The following COBL variants were observed in gnomAD, a reference collection of about 807,000 sequenced individuals.
COBL encodes cordon-bleu WH2 repeat protein.
Under a neutral mutation model 98.8 loss-of-function variants are expected in COBL, and 51 were observed. The ratio of observed to expected loss-of-function variants is 0.52; its 90% CI spans 0.41 to 0.65. COBL has a LOEUF of 0.65. COBL is among the 30% of genes least tolerant of loss of function. The probability of loss-of-function intolerance (pLI) is 0.00; values close to 1 mark genes in which losing one functional copy is unlikely to be tolerated. For missense variants in COBL, 1,617 were observed against 1,617.5 expected (o/e 1.00, Z 0.01); for synonymous variants, 634 against 651.7 (o/e 0.97, Z 0.41).
At chr7:51,127,489 C>G (rs1013147299) in intron 6 of COBL, among the ~76,000 whole-genome samples, 1 of 152,168 alleles carries the variant, frequency 6.6e-6, no homozygotes, top group Non-Finnish European at 1.5e-5. Flanking sequence ...GGTTCCTGTA[C>G]AGAAGTCACT....
At chr7:51,187,056 C>T (rs1039352774) in intron 4 of COBL, among the ~76,000 whole-genome samples, 19 of 152,090 alleles carry the variant, frequency 1.2e-4, no homozygotes, top group Admixed American at 1.0e-3. Context: ...GGAACTCACA[C>T]AGTCTGCAAG....
rs79798320 is a variant in COBL at position 51,193,858 on chromosome 7, T to G, written c.246-269A>C. Among the ~76,000 whole-genome samples, 1,414 of 152,318 alleles carry G rather than the reference T, an allele frequency of 9.3e-3. 19 individuals are homozygous for G. The highest frequency in any genetic ancestry group is 0.032 in the African/African-American group (1,334 of 41,562). On this transcript the variant is annotated intron_variant, in intron 2 of 12. Coordinates refer to ENST00000265136, the MANE Select transcript of COBL (RefSeq NM_015198.5). ...TTATATTTTTAGTTAAATCCAAGGG[T>G]ATGTTGAGTTGGATCATCTAAGGTC...
At chr7:51,071,811 C>T (rs2128923986) in intron 7 of COBL, 1 of 152,108 alleles carries the variant, frequency 6.6e-6, no homozygotes, top group African/African-American at 2.4e-5. Flanking sequence ...ATGCTTTCCC[C>T]AACATTCAGG....
intron 6 of COBL, among the ~76,000 whole-genome samples, chr7:51,090,974 C>A (rs779481130): frequency 6.6e-6 from 1 of 152,190 alleles, no homozygotes; most frequent in African/African-American, 2.4e-5. Flanking sequence ...AATACACCAA[C>A]AAGCCCAGGG....
At chr7:51,018,905 A>AAAATAT (rs1554345519) in intron 12 of COBL, among the ~76,000 whole-genome samples, 3 of 34,436 alleles carry the variant, frequency 8.7e-5, no homozygotes, top group African/African-American at 3.8e-4. Flanking sequence ...AAAAAAAAAA[A>AAAATAT]ATATATATAT....
At chr7:51,298,728 C>G (rs1801641763) in intron 1 of COBL, among the ~76,000 whole-genome samples, 1 of 152,142 alleles carries the variant, frequency 6.6e-6, no homozygotes, top group Non-Finnish European at 1.5e-5. Flanking sequence ...CACTGTTGAC[C>G]CTGTCACTTC....
intron 1 of COBL, among the ~76,000 whole-genome samples, chr7:51,261,681 G>A (rs1797731162): frequency 6.6e-6 from 1 of 152,138 alleles, no homozygotes; most frequent in African/African-American, 2.4e-5. Flanking sequence ...AAGGCAGCCC[G>A]AGGGGCCAGG....
At chr7:51,244,596 C>G (rs1796120691) in intron 1 of COBL, among the ~76,000 whole-genome samples, 1 of 152,144 alleles carries the variant, frequency 6.6e-6, no homozygotes, top group South Asian at 2.1e-4. Flanking sequence ...CTCCTACGGC[C>G]ACTCTCTCTC....
chr7:51,303,283 G>A (rs573029231), intron 1 of COBL, among the ~76,000 whole-genome samples: 8 of 152,234 alleles, frequency 5.3e-5, no homozygotes, highest in East Asian at 1.9e-4. Context: ...ATCCCGGGCC[G>A]GGCGTGGTGG....
At chr7:51,287,732 C>G (rs913418727) in intron 1 of COBL, among the ~76,000 whole-genome samples, 3 of 151,972 alleles carry the variant, frequency 2.0e-5, no homozygotes, top group Non-Finnish European at 4.4e-5. Flanking sequence ...GGAGAAAACC[C>G]AGATGTCCTG....
At chr7:51,148,210 G>A (rs1470248403) in intron 5 of COBL, among the ~76,000 whole-genome samples, 3 of 152,154 alleles carry the variant, frequency 2.0e-5, no homozygotes, top group African/African-American at 4.8e-5. Flanking sequence ...CTATTTACAC[G>A]TTTGTGCACA....
intron 12 of COBL, among the ~76,000 whole-genome samples, chr7:51,018,047 T>C (rs1195302944): frequency 6.6e-6 from 1 of 152,244 alleles, no homozygotes; most frequent in Non-Finnish European, 1.5e-5. Flanking sequence ...GTTAAGCTGA[T>C]GTTTTAATGA....
At chr7:51,047,015 T>C (rs1789775909) in intron 7 of COBL, among the ~76,000 whole-genome samples, 1 of 152,204 alleles carries the variant, frequency 6.6e-6, no homozygotes. Context: ...CAGTGACTAA[T>C]TAGGAATCTT....
intron 8 of COBL, among the ~76,000 whole-genome samples, chr7:51,041,017 A>G (rs375382190): frequency 9.2e-5 from 14 of 152,380 alleles, no homozygotes; most frequent in African/African-American, 3.4e-4. Context: ...TGCAGAACAG[A>G]CGTGGAGATT....
chr7:51,288,051 A>C (rs1053991319), intron 1 of COBL, among the ~76,000 whole-genome samples: 10 of 152,214 alleles, frequency 6.6e-5, no homozygotes, highest in African/African-American at 2.2e-4. Flanking sequence ...CTGTGTGCTA[A>C]TTGTGGTATC....
chr7:51,161,108 T>A (rs147187265), intron 5 of COBL, among the ~76,000 whole-genome samples: 1 of 152,258 alleles, frequency 6.6e-6, no homozygotes, highest in African/African-American at 2.4e-5. Context: ...CGGAACACAT[T>A]TTCCTGTTCT....
intron 1 of COBL, among the ~76,000 whole-genome samples, chr7:51,266,339 G>A (rs2129156300): frequency 6.6e-6 from 1 of 152,334 alleles, no homozygotes; most frequent in African/African-American, 2.4e-5. Context: ...AGCATTCTGG[G>A]AGGCCGAGGC....
chr7:51,103,480 AG>A (rs989573599), intron 6 of COBL, among the ~76,000 whole-genome samples: 1 of 152,272 alleles, frequency 6.6e-6, no homozygotes, highest in Admixed American at 6.5e-5. Flanking sequence ...TCAATCTGTC[AG>A]GGTTCTCTCC....
In COBL at chr7:51,029,378, G is replaced by A; in HGVS notation, c.1718C>T (p.Ala573Val). ...NAGSFDSEGV[A>V]SRRDSLAPLQ... ...TGGCGCCAGGGAGTCTCTCCTGCTG[G>A]CAACACCCTCCGAGTCGAAAGACCC... Residue 573 changes from alanine to valine, a missense_variant, in exon 10 of 13, where the codon GCC becomes GTC. Around this residue, in one of 3 missense-constraint regions of COBL, gnomAD observed 1,304 missense variants for 1,282.0 expected, o/e 1.02. Coordinates refer to ENST00000265136, the MANE Select transcript of COBL (RefSeq NM_015198.5). 6.2e-7 allele frequency: 1 copy of A among 1,611,158 alleles called. No homozygotes were observed. The highest frequency in any genetic ancestry group is 8.5e-7 in the Non-Finnish European group (1 of 1,177,898).
Sources: allele counts gnomAD v4.1 joint callset (sites outside exome capture counted in the v4.1 genomes callset), GRCh38; gene constraint gnomAD v4.1.1; regional missense constraint gnomAD v4.1.1; transcripts MANE v1.5; gene names NCBI Gene and HGNC (gene_info 2026-07-23, HGNC 2026-07-21).